PLA2G5: variants seen among roughly 807,000 people sequenced by gnomAD.
The protein encoded by PLA2G5 is Ca2+-dependent phospholipase A2.
Under a neutral mutation model 15.9 loss-of-function variants are expected in PLA2G5, and 12 were observed. The observed-to-expected ratio is 0.76, with a 90% confidence interval of 0.48 to 1.23. The LOEUF (loss-of-function observed/expected upper bound fraction) is 1.23. Ranked by LOEUF, PLA2G5 falls within the 50% of genes most tolerant of loss-of-function variation. The pLI is 0.00. For missense variants in PLA2G5, 169 were observed against 177.1 expected (o/e 0.95, Z 0.26); for synonymous variants, 71 against 71.4 (o/e 0.99, Z 0.03).
intron 2 of PLA2G5, among the ~76,000 whole-genome samples, chr1:20,060,619 C>T (rs760104129): frequency 6.6e-6 from 1 of 151,854 alleles, no homozygotes; most frequent in Non-Finnish European, 1.5e-5. Flanking sequence ...GTAAAGAGCA[C>T]CTCCTTTTAG....
upstream of PLA2G5, among the ~76,000 whole-genome samples, chr1:20,068,281 A>G (rs1159971007): frequency 6.6e-6 from 1 of 152,212 alleles, no homozygotes; most frequent in Non-Finnish European, 1.5e-5. Context: ...CAAATGAATT[A>G]AAGGATTAAA....
chr1:20,057,948 G>A (rs1001858349), intron 1 of PLA2G5, among the ~76,000 whole-genome samples: 3 of 151,912 alleles, frequency 2.0e-5, no homozygotes, highest in Non-Finnish European at 2.9e-5. Context: ...GCTATCTTAT[G>A]TTACTGATTT....
chr1:20,043,179 T>A (rs1433508435), intron 1 of PLA2G5, among the ~76,000 whole-genome samples: 1 of 151,956 alleles, frequency 6.6e-6, no homozygotes, highest in East Asian at 1.9e-4. Context: ...AGATCAAGAA[T>A]GGAATAGTGA....
chr1:20,035,412 G>A (rs983856718), intron 1 of PLA2G5, among the ~76,000 whole-genome samples: 1 of 152,192 alleles, frequency 6.6e-6, no homozygotes, highest in African/African-American at 2.4e-5. Flanking sequence ...CAGAATATAA[G>A]AGACAGGCTA....
chr1:20,060,247 C>CTTTTT (rs71585739), intron 2 of PLA2G5, among the ~76,000 whole-genome samples: 3,185 of 83,650 alleles, frequency 0.038, 312 homozygotes, highest in East Asian at 0.16. Flanking sequence ...CTTTTTTCTT[C>CTTTTT]TTTTTTTTTT....
At chr1:20,069,025 G>A, upstream of PLA2G5, 1 of 945,848 alleles carries the variant, frequency 1.1e-6, no homozygotes, top group Non-Finnish European at 1.5e-6. Flanking sequence ...AATCCAAATG[G>A]CCATAAGGTG....
intron 2 of PLA2G5, among the ~76,000 whole-genome samples, chr1:20,062,392 C>T (rs371852287): frequency 3.4e-4 from 52 of 152,292 alleles, no homozygotes; most frequent in Non-Finnish European, 5.7e-4. Context: ...AAAACCAATG[C>T]GGAGTTCCCA....
chr1:20,070,562 G>T (rs1166411583), intron 1 of PLA2G5, 97 bp downstream of exon 1: 1 of 726,586 alleles, frequency 1.4e-6, no homozygotes, highest in Non-Finnish European at 1.7e-6. Flanking sequence ...GAGCCCAAGA[G>T]GAGGCCCAGG....
At chr1:20,070,130 C>A (rs1207239677), upstream of PLA2G5, 2 of 883,406 alleles carry the variant, frequency 2.3e-6, no homozygotes, top group Non-Finnish European at 2.7e-6. Context: ...GACTGCCCAG[C>A]CCCTTTGGCA....
chr1:20,034,798 T>G (rs569652154), intron 1 of PLA2G5, among the ~76,000 whole-genome samples: 36 of 152,320 alleles, frequency 2.4e-4, no homozygotes, highest in Non-Finnish European at 3.8e-4. Context: ...GCAAACATTC[T>G]GAGTGCATCC....
chr1:20,043,082 G>A (rs2013705806), intron 1 of PLA2G5, among the ~76,000 whole-genome samples: 1 of 152,176 alleles, frequency 6.6e-6, no homozygotes, highest in Non-Finnish European at 1.5e-5. Context: ...ATGTTGTTGA[G>A]ACTGATGGGT....
At chr1:20,061,076 A>G (rs2014703476) in intron 2 of PLA2G5, among the ~76,000 whole-genome samples, 1 of 152,226 alleles carries the variant, frequency 6.6e-6, no homozygotes. Context: ...TGGACCAGGC[A>G]GCCTGGTGAT....
intron 1 of PLA2G5, among the ~76,000 whole-genome samples, chr1:20,074,048 AAAAC>A (rs940640691): frequency 3.3e-5 from 5 of 152,166 alleles, no homozygotes; most frequent in African/African-American, 1.2e-4. Flanking sequence ...ATGAAGGGGA[AAAAC>A]AGGGTGACCT....
chr1:20,031,422 G>A (rs529144980), intron 1 of PLA2G5, among the ~76,000 whole-genome samples: 5 of 152,284 alleles, frequency 3.3e-5, no homozygotes, highest in South Asian at 4.1e-4. Context: ...AGATTTGAGT[G>A]GGAGAGAAAT....
intron 4 of PLA2G5, among the ~76,000 whole-genome samples, chr1:20,090,263 T>C (rs1455070235): frequency 2.6e-5 from 4 of 152,206 alleles, no homozygotes; most frequent in Non-Finnish European, 1.5e-5. Flanking sequence ...TTCTGCTCTA[T>C]GAGAATGAGA....
intron 2 of PLA2G5, among the ~76,000 whole-genome samples, chr1:20,060,247 CTT>C (rs71585739): frequency 0.051 from 4,251 of 83,070 alleles, 25 homozygotes; most frequent in Admixed American, 0.083. Flanking sequence ...CTTTTTTCTT[CTT>C]TTTTTTTTTT....
Position 20,090,980 on chromosome 1 carries a change from T to C in PLA2G5, c.*288T>C, listed in dbSNP as rs2016540347. 2 of 326,692 alleles carry C rather than the reference T, an allele frequency of 6.1e-6. No homozygotes were observed. Among genetic ancestry groups the C allele is most frequent in the Non-Finnish European group, 5.7e-6 (1 of 176,912 alleles). The allele number at this position is 326,692 out of a possible 1,614,324, so 20.2% of individuals were successfully genotyped here. On this transcript the variant is annotated 3_prime_UTR_variant, in exon 5 of 5. Coordinates refer to ENST00000375108, the MANE Select transcript of PLA2G5 (RefSeq NM_000929.3). Reference sequence around the variant, plus strand: ...AACTCAGGGTTGGCTGTGTCTCTTTTCTTCTCTGAAGACAGCGTCCTGGCT... The same window carrying C: ...AACTCAGGGTTGGCTGTGTCTCTTTCCTTCTCTGAAGACAGCGTCCTGGCT...
intron 1 of PLA2G5, among the ~76,000 whole-genome samples, chr1:20,031,965 G>C (rs748179467): frequency 2.6e-5 from 4 of 152,042 alleles, no homozygotes; most frequent in Admixed American, 2.6e-4. Flanking sequence ...CCAACTACCC[G>C]GTATAGAAGG....
upstream of PLA2G5, among the ~76,000 whole-genome samples, chr1:20,068,702 C>T (rs754096612): frequency 3.9e-5 from 6 of 152,110 alleles, no homozygotes; most frequent in Non-Finnish European, 7.4e-5. Flanking sequence ...CCGCCCACCT[C>T]GGCCTCCCAA....
Sources: allele counts gnomAD v4.1 joint callset (sites outside exome capture counted in the v4.1 genomes callset), GRCh38; gene constraint gnomAD v4.1.1; transcripts MANE v1.5; gene names NCBI Gene and HGNC (gene_info 2026-07-23, HGNC 2026-07-21).